The following ATRX variants were observed in gnomAD, a reference collection of about 807,000 sequenced individuals.
ATRX encodes the protein ATRX chromatin remodeler, also known as chromatin remodeler ATRX.
In ATRX, 12 loss-of-function variants were observed where a neutral mutation model predicts 172.6. That is an observed-to-expected ratio of 0.07 (90% CI 0.04 to 0.11). ATRX has a LOEUF of 0.11. Ranked by LOEUF, ATRX falls within the 10% of genes least tolerant of loss-of-function variation. The pLI, the probability that ATRX is intolerant of heterozygous loss-of-function variation, is 1.00. For synonymous variants in ATRX, 674 were observed against 594.7 expected (o/e 1.13, Z -1.94); for missense variants, 1,368 against 1,767.4 (o/e 0.77, Z 4.05).
chrX:77,543,540 G>A (rs184371401), intron 30 of ATRX, among the ~76,000 whole-genome samples: 8 of 111,634 alleles, frequency 7.2e-5, no homozygotes, highest in East Asian at 2.8e-4. Flanking sequence ...TCACAATAGC[G>A]AAGACTTGGA....
At chrX:77,711,340 C>A (rs1557161039) in intron 2 of ATRX, among the ~76,000 whole-genome samples, 4 of 111,323 alleles carry the variant, frequency 3.6e-5, no homozygotes. Flanking sequence ...CTGGAAAATA[C>A]AGAAAATCCT....
intron 30 of ATRX, among the ~76,000 whole-genome samples, chrX:77,553,493 A>G (rs1226485092): frequency 8.9e-6 from 1 of 111,830 alleles, no homozygotes; most frequent in Non-Finnish European, 1.9e-5. Context: ...CTATAACACA[A>G]CTTACAAACT....
intron 9 of ATRX, among the ~76,000 whole-genome samples, chrX:77,679,136 T>C (rs1365991868): frequency 6.3e-5 from 7 of 111,272 alleles, no homozygotes; most frequent in African/African-American, 2.0e-4. Flanking sequence ...CAGAACTTTT[T>C]ACAGCGCTTA....
chrX:77,688,802 A>G lies in ATRX; in HGVS notation c.594+16T>C. 1.8e-6 allele frequency: 2 copies of G among 1,129,807 alleles called. No homozygotes were observed. The highest frequency in any genetic ancestry group is 1.8e-5 in the South Asian group (1 of 55,221). The allele number at this position is 1,129,807 out of a possible 1,213,427, so 93.1% of individuals were successfully genotyped here. ...CAAATATTTACGGTATGAAATATCA[A>G]CAGATCATTACATACCTTACAAATA... On this transcript the variant is annotated intron_variant, in intron 7 of 34. Coordinates refer to ENST00000373344, the MANE Select transcript of ATRX (RefSeq NM_000489.6).
intron 7 of ATRX, 137 bp downstream of exon 7, chrX:77,688,681 A>G (rs1246032826): frequency 5.8e-6 from 3 of 517,916 alleles, no homozygotes; most frequent in East Asian, 3.5e-5. Flanking sequence ...TTGTACGTCT[A>G]TTTTCCCCAC....
At chrX:77,707,238 TG>T (rs2072878312) in intron 2 of ATRX, among the ~76,000 whole-genome samples, 1 of 112,089 alleles carries the variant, frequency 8.9e-6, no homozygotes, top group South Asian at 3.7e-4. Flanking sequence ...TAGTATGTGA[TG>T]GGTACAGAGT....
intron 1 of ATRX, among the ~76,000 whole-genome samples, chrX:77,766,170 C>T (rs1216852795): frequency 1.8e-5 from 2 of 112,235 alleles, no homozygotes; most frequent in African/African-American, 3.2e-5. Flanking sequence ...AAAACCGCCA[C>T]TGTCATCATG....
At chrX:77,754,162 CT>C (rs1176523607) in intron 1 of ATRX, among the ~76,000 whole-genome samples, 31 of 105,687 alleles carry the variant, frequency 2.9e-4, no homozygotes, top group African/African-American at 6.5e-4. Flanking sequence ...TACAACACCC[CT>C]TTTTTTTTTG....
Position 77,683,665 on chromosome X carries a change from T to G in ATRX, c.1591A>C (p.Asn531His). ...TGAACTTCCATAGCAGTCTCAAGAT[T>G]CTCAAAAATGTCTTCTGGAACTGAG... ...PSSVPEDIFE[N>H]LETAMEVQSS... The change falls in exon 9 of 35, where the codon AAT (asparagine) becomes CAT (histidine). Residue 531 changes from asparagine (N) to histidine (H), a missense_variant. By Grantham distance (68) the Asn-to-His change is moderately conservative. This residue lies in a region of ATRX where 843 missense variants were observed against 643.1 expected (regional missense o/e 1.31). Transcript: ENST00000373344. 8.3e-7 allele frequency: 1 copy of G among 1,211,462 alleles called. No homozygotes were observed. Among genetic ancestry groups the G allele is most frequent in the Non-Finnish European group, 1.1e-6 (1 of 895,137 alleles).
At chrX:77,560,873 G>A (rs2064995184) in intron 28 of ATRX, among the ~76,000 whole-genome samples, 1 of 111,586 alleles carries the variant, frequency 9.0e-6, no homozygotes, top group Non-Finnish European at 1.9e-5. Context: ...TTATCACAGT[G>A]TTATTTTACA....
At chrX:77,677,085 G>A (rs1162238212) in intron 9 of ATRX, among the ~76,000 whole-genome samples, 5 of 106,948 alleles carry the variant, frequency 4.7e-5, no homozygotes, top group Non-Finnish European at 9.6e-5. Flanking sequence ...TCGCACCACG[G>A]CACTCCAGCC....
At position 77,733,707 on chromosome X, in the gene ATRX, A is replaced by AT. The variant is rs1491440030; in HGVS notation, c.21-16465_21-16464insA. On this transcript the variant is annotated intron_variant, in intron 1 of 34. Transcript: ENST00000373344. ...AACAGGGTGAAACCCCATCTATGCT[A>AT]AAAAAAAAAAAAAAAAAAAAAAAAA... 2.5e-4 allele frequency among the ~76,000 whole-genome samples: 3 copies of AT among 12,088 alleles called. No individual in the cohort carries two copies. In the East Asian group the frequency reaches 5.3e-3, roughly 21 times the overall value. The allele number at this position is 12,088 out of a possible 115,157, so 10.5% of individuals were successfully genotyped here.
At chrX:77,622,571 G>A (rs1455409700) in intron 19 of ATRX, among the ~76,000 whole-genome samples, 2 of 111,739 alleles carry the variant, frequency 1.8e-5, no homozygotes, top group African/African-American at 6.5e-5. Flanking sequence ...TCCACAGGGA[G>A]AAGGACTTCT....
chrX:77,742,497 C>A (rs2074914481), intron 1 of ATRX, among the ~76,000 whole-genome samples: 1 of 111,338 alleles, frequency 9.0e-6, no homozygotes, highest in African/African-American at 3.3e-5. Flanking sequence ...GGGAATGGGG[C>A]AGAAGAAACA....
At chrX:77,575,245 TA>T (rs1227640952) in intron 27 of ATRX, among the ~76,000 whole-genome samples, 3 of 110,151 alleles carry the variant, frequency 2.7e-5, no homozygotes, top group African/African-American at 6.6e-5. Context: ...GTACATTAGT[TA>T]AAAAAAAGAT....
At chrX:77,575,336 T>A (rs3027541) in intron 27 of ATRX, among the ~76,000 whole-genome samples, 15,600 of 109,747 alleles carry the variant, frequency 0.14, 1,159 homozygotes, top group Non-Finnish European at 0.22. Context: ...TTAATGCTTA[T>A]GAAAGTCATT....
intron 5 of ATRX, among the ~76,000 whole-genome samples, chrX:77,696,003 T>C (rs1258763809): frequency 8.9e-6 from 1 of 112,180 alleles, no homozygotes; most frequent in African/African-American, 3.2e-5. Context: ...AAGATATTCA[T>C]TTGGCTATTG....
intron 12 of ATRX, among the ~76,000 whole-genome samples, chrX:77,659,582 T>C (rs1315475518): frequency 9.2e-6 from 1 of 108,961 alleles, no homozygotes; most frequent in African/African-American, 3.3e-5. Flanking sequence ...GATGACACTT[T>C]ACCCCTAAGC....
chrX:77,744,643 A>C (rs2074995031), intron 1 of ATRX, among the ~76,000 whole-genome samples: 1 of 111,394 alleles, frequency 9.0e-6, no homozygotes, highest in African/African-American at 3.3e-5. Flanking sequence ...CAAGAAACTC[A>C]GAAAATCAAT....
Sources: gnomAD v4.1 joint callset for allele counts (sites outside exome capture counted in the v4.1 genomes callset) on GRCh38, gnomAD v4.1.1 for gene constraint, gnomAD v4.1.1 regional missense constraint, MANE v1.5 for transcripts, NCBI Gene and HGNC (gene_info 2026-07-23, HGNC 2026-07-21) for gene names.